The following COLGALT2 variants were observed in gnomAD, a reference collection of about 807,000 sequenced individuals.
The protein encoded by COLGALT2 is procollagen galactosyltransferase 2.
COLGALT2 carries 49 observed loss-of-function variants against 73.4 expected under a neutral mutation model. The ratio of observed to expected loss-of-function variants is 0.67; its 90% CI spans 0.53 to 0.85. The LOEUF is 0.85. Ranked by LOEUF, COLGALT2 falls within the 40% of genes least tolerant of loss-of-function variation. COLGALT2 has a pLI of 0.00. For synonymous variants in COLGALT2, 295 were observed against 307.6 expected (o/e 0.96, Z 0.43); for missense variants, 722 against 790.2 (o/e 0.91, Z 1.03).
intron 6 of COLGALT2, among the ~76,000 whole-genome samples, chr1:183,957,442 G>A (rs763774755): frequency 2.0e-5 from 3 of 152,154 alleles, no homozygotes; most frequent in South Asian, 2.1e-4. Context: ...GCTCATTTAA[G>A]CCCAGTCATG....
downstream of COLGALT2, chr1:183,935,802 C>T: frequency 1.0e-6 from 1 of 965,608 alleles, no homozygotes; most frequent in Non-Finnish European, 1.2e-6. Flanking sequence ...GGCCATTGAT[C>T]AGTGCCTGCG....
In COLGALT2 at chr1:183,939,058, G is replaced by A. The variant is rs183740592; in HGVS notation, c.1605-21C>T. ...CGGCTCTGAAAACAAGAAGGTGGCCGGACACATGAGGGGGCGGAAAGGAGA... is the reference window on the plus strand; with the variant it reads ...CGGCTCTGAAAACAAGAAGGTGGCCAGACACATGAGGGGGCGGAAAGGAGA... On this transcript the variant is annotated intron_variant, in intron 11 of 11. Transcript: ENST00000361927. 1.9e-3 allele frequency: 3,038 copies of A among 1,589,614 alleles called. 8 individuals are homozygous for A. The highest frequency in any genetic ancestry group is 6.3e-3 in the Middle Eastern group (38 of 5,990).
chr1:183,983,307 AC>A lies in COLGALT2; in HGVS notation c.264-4788del, dbSNP rs1287060000. On this transcript the variant is annotated intron_variant, in intron 1 of 11. Coordinates refer to ENST00000361927, the MANE Select transcript of COLGALT2 (RefSeq NM_015101.4). ...AGAGCAGTGAGGGCCACACCAGCCC[AC>A]CGAGGAAGCCTGGTGGTCCCCGCTT... 2.0e-5 allele frequency among the ~76,000 whole-genome samples: 3 copies of A among 152,178 alleles called. No homozygotes were observed. The East Asian group carries it at 5.8e-4, about 29-fold the overall frequency.
At chr1:183,998,061 A>G (rs1408869296) in intron 1 of COLGALT2, among the ~76,000 whole-genome samples, 1 of 152,208 alleles carries the variant, frequency 6.6e-6, no homozygotes, top group Admixed American at 6.5e-5. Flanking sequence ...AATATGTTCA[A>G]CTTTACTAGG....
At position 183,938,780 on chromosome 1, in the gene COLGALT2, G is replaced by A. The variant is rs778800356; in HGVS notation, c.1862C>T (p.Pro621Leu). Reference sequence around the variant, plus strand: ...GAGCCTTCATAGCTCATCCCTTGAAGGCACAGTGTCCAGGGAGGTTGGCGG... The same window carrying A: ...GAGCCTTCATAGCTCATCCCTTGAAAGCACAGTGTCCAGGGAGGTTGGCGG... Reference protein sequence around the residue: ...LPPPTSLDTVPSRDEL With the variant: ...LPPPTSLDTVLSRDEL Residue 621 changes from proline to leucine, a missense_variant, in exon 12 of 12, where the codon CCT (proline) becomes CTT (leucine). Pro to Leu is a moderately conservative substitution (Grantham distance 98). Coordinates refer to ENST00000361927, the MANE Select transcript of COLGALT2 (RefSeq NM_015101.4). 1 of 1,614,038 alleles carries A rather than the reference G, an allele frequency of 6.2e-7. No individual in the cohort carries two copies. The highest frequency in any genetic ancestry group is 1.3e-5 in the African/African-American group (1 of 74,912).
chr1:184,014,342 G>A (rs1055428619), intron 1 of COLGALT2, among the ~76,000 whole-genome samples: 2 of 152,284 alleles, frequency 1.3e-5, no homozygotes, highest in African/African-American at 4.8e-5. Context: ...TATAAAAAAG[G>A]AAACTGGTCC....
intron 1 of COLGALT2, among the ~76,000 whole-genome samples, chr1:184,004,333 C>A (rs1372038921): frequency 6.6e-6 from 1 of 152,132 alleles, no homozygotes; most frequent in Non-Finnish European, 1.5e-5. Context: ...CCATAACTAC[C>A]CACTTTGCAA....
chr1:183,973,554 T>C, intron 4 of COLGALT2, 62 bp downstream of exon 4: 3 of 1,600,536 alleles, frequency 1.9e-6, no homozygotes, highest in East Asian at 2.2e-5. Context: ...ATGGGACTAC[T>C]GTTGACCGGG....
chr1:184,026,794 G>C (rs2102859008), intron 1 of COLGALT2, among the ~76,000 whole-genome samples: 1 of 152,268 alleles, frequency 6.6e-6, no homozygotes, highest in Non-Finnish European at 1.5e-5. Flanking sequence ...ACCAAGATTA[G>C]GGTATATAAG....
At chr1:183,983,310 G>A (rs1333531722) in intron 1 of COLGALT2, among the ~76,000 whole-genome samples, 2 of 152,178 alleles carry the variant, frequency 1.3e-5, no homozygotes, top group South Asian at 2.1e-4. Flanking sequence ...CCAGCCCACC[G>A]AGGAAGCCTG....
chr1:183,962,154 CTTTTTTTTTT>C (rs34873073), intron 6 of COLGALT2, among the ~76,000 whole-genome samples: 3 of 85,540 alleles, frequency 3.5e-5, no homozygotes, highest in Non-Finnish European at 6.2e-5. Flanking sequence ...TTTTCTCTTT[CTTTTTTTTTT>C]TTTTTTTTTT....
At chr1:183,950,759 G>A (rs184771014) in intron 8 of COLGALT2, among the ~76,000 whole-genome samples, 178 of 152,214 alleles carry the variant, frequency 1.2e-3, no homozygotes, top group Admixed American at 2.0e-3. Context: ...CCCCAGAGAC[G>A]GGACAATCAC....
At chr1:184,029,209 C>G (rs1649426265) in intron 1 of COLGALT2, among the ~76,000 whole-genome samples, 1 of 152,240 alleles carries the variant, frequency 6.6e-6, no homozygotes, top group Non-Finnish European at 1.5e-5. Context: ...TTCTACCTGA[C>G]TTTTCAATTA....
chr1:184,019,205 C>T (rs568790016), intron 1 of COLGALT2, among the ~76,000 whole-genome samples: 1 of 152,280 alleles, frequency 6.6e-6, no homozygotes, highest in South Asian at 2.1e-4. Context: ...AAAAGCAGTA[C>T]TTGTGAGGGC....
At chr1:183,967,574 G>C (rs1029925848) in intron 5 of COLGALT2, among the ~76,000 whole-genome samples, 6 of 152,198 alleles carry the variant, frequency 3.9e-5, no homozygotes, top group African/African-American at 1.4e-4. Flanking sequence ...TCCAGGTATT[G>C]GTTTCATACA....
intron 9 of COLGALT2, 39 bp from the exon 10 acceptor site, chr1:183,944,362 T>C: frequency 6.3e-7 from 1 of 1,581,106 alleles, no homozygotes; most frequent in Non-Finnish European, 8.6e-7. Flanking sequence ...CTATGAAAAG[T>C]TTGAAACCCA....
At chr1:183,961,304 T>C (rs1285779230) in intron 6 of COLGALT2, among the ~76,000 whole-genome samples, 3 of 152,166 alleles carry the variant, frequency 2.0e-5, no homozygotes, top group Non-Finnish European at 4.4e-5. Flanking sequence ...TATTTGTAAT[T>C]TACAATCATT....
At position 184,007,320 on chromosome 1, in the gene COLGALT2, G is replaced by C. The variant is rs113628131; in HGVS notation, c.264-28800C>G. On this transcript the variant is annotated intron_variant, in intron 1 of 11. Coordinates refer to ENST00000361927, the MANE Select transcript of COLGALT2 (RefSeq NM_015101.4). ...CTTTATTTCTTTTATTATTGTATGT[G>C]TTCACAAGAGATAAACATCTATGTC... 1.7e-3 allele frequency among the ~76,000 whole-genome samples: 254 copies of C among 152,232 alleles called. 1 individual carries two copies. Among genetic ancestry groups the C allele is most frequent in the African/African-American group, 6.0e-3 (248 of 41,512 alleles).
intron 6 of COLGALT2, among the ~76,000 whole-genome samples, chr1:183,958,174 T>C (rs1670604207): frequency 6.6e-6 from 1 of 152,144 alleles, no homozygotes; most frequent in South Asian, 2.1e-4. Context: ...TTTTAATAAG[T>C]GTTAGTCATT....
Sources: gnomAD v4.1 joint callset for allele counts (sites outside exome capture counted in the v4.1 genomes callset) on GRCh38, gnomAD v4.1.1 for gene constraint, MANE v1.5 for transcripts, NCBI Gene and HGNC (gene_info 2026-07-23, HGNC 2026-07-21) for gene names.